Variants in ANKS1B observed in about 807,000 individuals in gnomAD.
The protein encoded by ANKS1B is ankyrin repeat and sterile alpha motif domain containing 1B, also known as ankyrin repeat and sterile alpha motif domain-containing protein 1B.
A neutral mutation model predicts 148.3 loss-of-function variants in ANKS1B; 36 were observed. The ratio of observed to expected loss-of-function variants is 0.24; its 90% CI spans 0.19 to 0.32. The LOEUF (loss-of-function observed/expected upper bound fraction) is 0.32, where lower values mean the gene tolerates loss of function less well. Ranked by LOEUF, ANKS1B falls within the 10% of genes least tolerant of loss-of-function variation. The pLI, the probability that ANKS1B is intolerant of heterozygous loss-of-function variation, is 1.00. For missense variants in ANKS1B, 1,157 were observed against 1,542.6 expected (o/e 0.75, Z 4.19); for synonymous variants, 542 against 560.8 (o/e 0.97, Z 0.47).
intron 1 of ANKS1B, among the ~76,000 whole-genome samples, chr12:99,921,241 T>G (rs933271881): frequency 6.6e-6 from 1 of 152,130 alleles, no homozygotes; most frequent in African/African-American, 2.4e-5. Context: ...GTTCTCATGA[T>G]AGTGAGTGAG....
intron 15 of ANKS1B, among the ~76,000 whole-genome samples, chr12:99,093,922 G>C (rs1156806593): frequency 6.6e-6 from 1 of 152,108 alleles, no homozygotes; most frequent in East Asian, 1.9e-4. Flanking sequence ...GAAGGGAGTA[G>C]AATTTCCTGA....
At chr12:99,385,454 G>A (rs2093821300) in intron 12 of ANKS1B, among the ~76,000 whole-genome samples, 1 of 152,206 alleles carries the variant, frequency 6.6e-6, no homozygotes, top group African/African-American at 2.4e-5. Flanking sequence ...GGGCAACAGA[G>A]CGAGGCTGTG....
At chr12:99,437,596 A>T (rs1239041031) in intron 11 of ANKS1B, among the ~76,000 whole-genome samples, 1 of 151,852 alleles carries the variant, frequency 6.6e-6, no homozygotes, top group Non-Finnish European at 1.5e-5. Context: ...GTAAAAACCC[A>T]TCTAGCTAAA....
chr12:98,932,521 C>A (rs1227831604), intron 17 of ANKS1B, among the ~76,000 whole-genome samples: 3 of 152,172 alleles, frequency 2.0e-5, no homozygotes, highest in Non-Finnish European at 4.4e-5. Flanking sequence ...CTGCTGTAGA[C>A]AAGAACAATA....
chr12:99,885,098 C>T (rs61940329), intron 1 of ANKS1B, among the ~76,000 whole-genome samples: 25,499 of 151,882 alleles, frequency 0.17, 2,701 homozygotes, highest in Non-Finnish European at 0.24. Flanking sequence ...TTAAAGGTTT[C>T]AAGATCCTGC....
downstream of ANKS1B, among the ~76,000 whole-genome samples, chr12:98,742,604 T>C (rs570052490): frequency 3.7e-4 from 56 of 152,388 alleles, no homozygotes; most frequent in Admixed American, 1.0e-3. Flanking sequence ...ATTTCCCTGG[T>C]TGGCACCAAG....
intron 10 of ANKS1B, among the ~76,000 whole-genome samples, chr12:99,493,360 T>C (rs1274522440): frequency 6.6e-6 from 1 of 150,754 alleles, no homozygotes; most frequent in Non-Finnish European, 1.5e-5. Flanking sequence ...GAAGATACAA[T>C]CTACAGAATC....
intron 8 of ANKS1B, among the ~76,000 whole-genome samples, chr12:99,666,774 C>A (rs553094102): frequency 6.6e-6 from 1 of 151,738 alleles, no homozygotes; most frequent in Non-Finnish European, 1.5e-5. Flanking sequence ...AGGTGTATGG[C>A]ATATTATTTT....
chr12:99,812,155 C>A lies in ANKS1B; in HGVS notation c.372G>T (p.Gln124His). Residue 124 changes from glutamine to histidine, a missense_variant and splice_region_variant, in exon 3 of 27, where the codon CAG becomes CAT. Coordinates refer to ENST00000683438, the MANE Select transcript of ANKS1B (RefSeq NM_001352186.2). ...ATGAGCAAACATTTGGCAAGTGCAC[C>A]TGTTCATTGACCCTGGAATGTGATG... is the stretch of plus-strand genomic sequence containing the variant. Reference protein sequence around the residue: ...HGPSHSRVNEQNNENETALHC... With the variant: ...HGPSHSRVNEHNNENETALHC... 1 of 1,607,878 alleles carries A rather than the reference C, an allele frequency of 6.2e-7. No homozygotes were observed.
chr12:99,463,433 T>TAG (rs1437423665), intron 10 of ANKS1B, among the ~76,000 whole-genome samples: 101 of 152,102 alleles, frequency 6.6e-4, no homozygotes, highest in African/African-American at 2.2e-3. Flanking sequence ...TGCCAGACAG[T>TAG]GGGTGCAGGA....
intron 14 of ANKS1B, among the ~76,000 whole-genome samples, chr12:99,219,127 A>C (rs925218206): frequency 5.3e-5 from 8 of 152,264 alleles, no homozygotes; most frequent in African/African-American, 1.9e-4. Flanking sequence ...TCACCAATGA[A>C]TAGATTTGCT....
intron 19 of ANKS1B, among the ~76,000 whole-genome samples, chr12:98,818,749 C>T (rs1229148584): frequency 6.6e-6 from 1 of 152,114 alleles, no homozygotes; most frequent in African/African-American, 2.4e-5. Flanking sequence ...ACATTATATT[C>T]CTTTCTTGCA....
At chr12:99,544,137 C>G (rs2097152155) in intron 9 of ANKS1B, among the ~76,000 whole-genome samples, 1 of 151,814 alleles carries the variant, frequency 6.6e-6, no homozygotes, top group Non-Finnish European at 1.5e-5. Context: ...TAAAAAAAAA[C>G]TACCTTGTGT....
intron 15 of ANKS1B, among the ~76,000 whole-genome samples, chr12:99,113,241 C>T (rs1197931980): frequency 1.3e-5 from 2 of 152,052 alleles, no homozygotes; most frequent in African/African-American, 2.4e-5. Context: ...CTTAACGTGT[C>T]CTCAATGAAA....
At chr12:99,295,415 A>G (rs546385760) in intron 12 of ANKS1B, among the ~76,000 whole-genome samples, 6 of 152,212 alleles carry the variant, frequency 3.9e-5, no homozygotes, top group African/African-American at 1.4e-4. Flanking sequence ...TTTCCTTATT[A>G]CTGGATTTGA....
chr12:99,244,488 A>G (rs549738644), intron 13 of ANKS1B, 74 bp from the exon 14 acceptor site: 6 of 999,762 alleles, frequency 6.0e-6, no homozygotes, highest in Non-Finnish European at 5.8e-6. Context: ...TAAGTTTCAA[A>G]TGAAGGGAGC....
intron 9 of ANKS1B, among the ~76,000 whole-genome samples, chr12:99,638,232 G>A (rs948920932): frequency 3.9e-5 from 6 of 152,130 alleles, no homozygotes; most frequent in East Asian, 3.9e-4. Flanking sequence ...GAACAGTTTC[G>A]AGGGCCCAGA....
At chr12:99,686,110 C>A (rs996465657) in intron 8 of ANKS1B, among the ~76,000 whole-genome samples, 7 of 151,882 alleles carry the variant, frequency 4.6e-5, no homozygotes, top group African/African-American at 1.7e-4. Flanking sequence ...ACCTATTTCC[C>A]AAAAAGCTAT....
At chr12:98,821,500 T>TCTCTCTCTCTCTGTCC (rs1491242450) in intron 19 of ANKS1B, among the ~76,000 whole-genome samples, 1 of 144,622 alleles carries the variant, frequency 6.9e-6, no homozygotes, top group Non-Finnish European at 1.5e-5. Context: ...TGTCTGTCTG[T>TCTCTCTCTCTCTGTCC]CTCTCTCTCT....
Sources: gnomAD v4.1 joint callset for allele counts (sites outside exome capture counted in the v4.1 genomes callset) on GRCh38, gnomAD v4.1.1 for gene constraint, MANE v1.5 for transcripts, NCBI Gene and HGNC (gene_info 2026-07-23, HGNC 2026-07-21) for gene names.